The following TANC2 variants were observed in gnomAD, a reference collection of about 807,000 sequenced individuals.
TANC2 encodes protein TANC2.
TANC2 carries 26 observed loss-of-function variants against 210.5 expected under a neutral mutation model. The ratio of observed to expected loss-of-function variants is 0.12; its 90% confidence interval spans 0.09 to 0.17. The LOEUF is 0.17. Among genes scored for constraint, TANC2 ranks in the 10% least tolerant of loss-of-function variants. TANC2 has a pLI of 1.00. For synonymous variants in TANC2, 931 were observed against 967.1 expected, an observed-to-expected ratio of 0.96 and a Z score of 0.69; for missense variants, 2,129 against 2,608.9, an observed-to-expected ratio of 0.82 and a Z score of 4.01.
intron 20 of TANC2, among the ~76,000 whole-genome samples, chr17:63,405,794 G>T (rs987789473): frequency 9.2e-5 from 14 of 152,222 alleles, no homozygotes; most frequent in African/African-American, 3.1e-4. Flanking sequence ...ATTATGTTCA[G>T]TTCAGTTGCA....
intron 1 of TANC2, among the ~76,000 whole-genome samples, chr17:62,976,706 C>T (rs969100063): frequency 9.2e-5 from 14 of 152,062 alleles, no homozygotes; most frequent in Non-Finnish European, 1.6e-4. Flanking sequence ...TAAATACTAC[C>T]TGTAATAAAA....
At chr17:63,288,282 C>T (rs1048992369) in intron 9 of TANC2, among the ~76,000 whole-genome samples, 2 of 152,210 alleles carry the variant, frequency 1.3e-5, no homozygotes, top group African/African-American at 4.8e-5. Flanking sequence ...CAGATTCTGA[C>T]TGGGTTCTCT....
At chr17:63,303,450 C>T (rs938101963) in intron 9 of TANC2, among the ~76,000 whole-genome samples, 4 of 152,180 alleles carry the variant, frequency 2.6e-5, no homozygotes, top group Non-Finnish European at 5.9e-5. Flanking sequence ...TGTAGGGTTT[C>T]TGCTGAGAGG....
chr17:63,188,118 C>A (rs2041057069), intron 5 of TANC2, among the ~76,000 whole-genome samples: 1 of 151,838 alleles, frequency 6.6e-6, no homozygotes, highest in South Asian at 2.1e-4. Flanking sequence ...ACAAAATGTA[C>A]CCAAAAAACC....
At chr17:63,103,230 T>A (rs1454956478) in intron 4 of TANC2, among the ~76,000 whole-genome samples, 1 of 152,226 alleles carries the variant, frequency 6.6e-6, no homozygotes, top group Non-Finnish European at 1.5e-5. Context: ...ATTGTTACTC[T>A]GTAACCTTTA....
At chr17:63,181,188 T>C (rs2040773232) in intron 5 of TANC2, among the ~76,000 whole-genome samples, 1 of 152,122 alleles carries the variant, frequency 6.6e-6, no homozygotes, top group South Asian at 2.1e-4. Context: ...ATAAAGATAC[T>C]CTTTATATAA....
chr17:63,076,404 A>G (rs140625045), intron 3 of TANC2, among the ~76,000 whole-genome samples: 3,720 of 151,416 alleles, frequency 0.025, 47 homozygotes, highest in Non-Finnish European at 0.036. Context: ...AGGAGGTTGG[A>G]AAAAAAAAGT....
At chr17:63,283,079 G>A (rs1027005630) in intron 9 of TANC2, among the ~76,000 whole-genome samples, 1 of 151,898 alleles carries the variant, frequency 6.6e-6, no homozygotes, top group African/African-American at 2.4e-5. Flanking sequence ...GTAGTTTTAT[G>A]TTTTACATTT....
chr17:63,094,239 C>T (rs150297674), intron 3 of TANC2, among the ~76,000 whole-genome samples: 1 of 151,834 alleles, frequency 6.6e-6, no homozygotes, highest in Non-Finnish European at 1.5e-5. Context: ...TTAAACTTCT[C>T]GGGGCCTGTT....
At chr17:63,130,564 TTTG>T (rs2038882541) in intron 4 of TANC2, among the ~76,000 whole-genome samples, 1 of 152,172 alleles carries the variant, frequency 6.6e-6, no homozygotes, top group Admixed American at 6.5e-5. Flanking sequence ...TATTTGCTGT[TTTG>T]TTAATTCCTT....
chr17:63,331,837 T>A (rs1287503474), intron 11 of TANC2: 50 of 137,886 alleles, frequency 3.6e-4, no homozygotes, highest in African/African-American at 1.5e-3. Flanking sequence ...AAGATAAGAG[T>A]GTGTGTGTGT....
intron 2 of TANC2, among the ~76,000 whole-genome samples, chr17:63,012,446 A>G (rs2033915063): frequency 6.6e-6 from 1 of 152,150 alleles, no homozygotes. Context: ...TTGATATTTA[A>G]TTGATATGTT....
exon 14 of TANC2, chr17:63,355,174 T>A (rs1859551542): frequency 6.2e-7 from 1 of 1,613,834 alleles, no homozygotes; most frequent in Non-Finnish European, 8.5e-7. Flanking sequence ...GTGGCCTCTC[T>A]CCACCCACTG....
chr17:63,320,585 C>T (rs1052633590), intron 11 of TANC2: 1 of 152,156 alleles, frequency 6.6e-6, no homozygotes. Context: ...TTGTTTGACA[C>T]AGTATATCAT....
At chr17:63,390,151 A>G (rs1482133729) in intron 17 of TANC2, 1 of 152,522 alleles carries the variant, frequency 6.6e-6, no homozygotes, top group African/African-American at 2.4e-5. Context: ...ACTCGATTTC[A>G]CAATATTGGT....
intron 2 of TANC2, among the ~76,000 whole-genome samples, chr17:63,018,813 A>G (rs1460464334): frequency 6.6e-6 from 1 of 152,196 alleles, no homozygotes; most frequent in African/African-American, 2.4e-5. Context: ...ACAGTATGTA[A>G]CCTTTTGGGA....
At chr17:63,410,993 G>A (rs1255934741) in intron 21 of TANC2, among the ~76,000 whole-genome samples, 1 of 151,924 alleles carries the variant, frequency 6.6e-6, no homozygotes, top group East Asian at 1.9e-4. Context: ...TTAAGATGAG[G>A]TAGCAGTGAA....
At chr17:63,338,841 G>A (rs2046125328) in intron 11 of TANC2, 1 of 152,098 alleles carries the variant, frequency 6.6e-6, no homozygotes. Flanking sequence ...TAATGAGAAG[G>A]ATTTCAGGTG....
intron 14 of TANC2, among the ~76,000 whole-genome samples, chr17:63,363,351 C>G (rs577129697): frequency 6.6e-6 from 1 of 152,294 alleles, no homozygotes; most frequent in East Asian, 1.9e-4. Flanking sequence ...TGTGCAGAAG[C>G]TTTGTAACTT....
Sources: gnomAD v4.1 joint callset for allele counts (sites outside exome capture counted in the v4.1 genomes callset) on GRCh38, gnomAD v4.1.1 for gene constraint, MANE v1.5 for transcripts, NCBI Gene and HGNC (gene_info 2026-07-23, HGNC 2026-07-21) for gene names.